Variants in CSMD2 observed in about 807,000 individuals in gnomAD.
CSMD2 encodes CUB and Sushi multiple domains 2.
In CSMD2, 130 loss-of-function variants were observed where a neutral mutation model predicts 398.5. The ratio of observed to expected loss-of-function variants is 0.33; its 90% CI spans 0.28 to 0.38. CSMD2 has a LOEUF of 0.38. Among genes scored for constraint, CSMD2 ranks in the 10% least tolerant of loss-of-function variants. The pLI is 1.00. For missense variants in CSMD2, 3,829 were observed against 4,764.9 expected, an observed-to-expected ratio of 0.80 and a Z score of 5.78; for synonymous variants, 1,828 against 1,908.5, an observed-to-expected ratio of 0.96 and a Z score of 1.10.
chr1:33,560,938 A>G (rs1380330917), intron 53 of CSMD2, among the ~76,000 whole-genome samples: 1 of 152,096 alleles, frequency 6.6e-6, no homozygotes, highest in Non-Finnish European at 1.5e-5. Context: ...CTTAGTCCTT[A>G]GTTCTATTTC....
chr1:33,519,703 C>G lies in CSMD2; in HGVS notation c.10737-26G>C. On this transcript the variant is annotated intron_variant, in intron 69 of 70. Coordinates refer to ENST00000373381, the MANE Select transcript of CSMD2 (RefSeq NM_001281956.2). This position sits in a 1 kb window ranked among gnomAD's most constrained non-coding sequence, Gnocchi z 5.6. The stretch of plus-strand genomic sequence containing the variant: ...CTGGCGATAAAAGAGGAAGTGCCCA[C>G]GGCATGAAAAGAGCGACACAGAGAG... 1 of 1,613,834 alleles carries G rather than the reference C, an allele frequency of 6.2e-7. No individual in the cohort carries two copies. The highest frequency in any genetic ancestry group is 8.5e-7 in the Non-Finnish European group (1 of 1,179,904).
At chr1:33,663,965 A>G (rs1280416972) in intron 25 of CSMD2, among the ~76,000 whole-genome samples, 3 of 152,208 alleles carry the variant, frequency 2.0e-5, no homozygotes, top group East Asian at 3.8e-4. Context: ...CTAAGAAAGC[A>G]ATGTTGGCAT....
rs989437887 is a variant in CSMD2 at position 33,633,841 on chromosome 1, A to G, written c.5087-306T>C. 6.6e-6 allele frequency among the ~76,000 whole-genome samples: 1 copy of G among 152,184 alleles called. No homozygotes were observed. The highest frequency in any genetic ancestry group is 1.5e-5 in the Non-Finnish European group (1 of 68,028). On this transcript the variant is annotated intron_variant, in intron 31 of 70. Transcript: ENST00000373381. The surrounding 1 kb of genome is among the most constrained non-coding windows in gnomAD (Gnocchi z 5.0). ...AGCCAACTTTGTTCCTTTCCCAGAT[A>G]GCAGCTGCAGCAGCTATCTGGAGGC...
In CSMD2 at chr1:33,769,021, G is replaced by A. The variant is rs192067905; in HGVS notation, c.1846+3548C>T. 1.1e-4 allele frequency among the ~76,000 whole-genome samples: 16 copies of A among 152,304 alleles called. No homozygotes were observed. The East Asian group carries it at 2.5e-3, about 24-fold the overall frequency. ...GCTTCTTTTGAAAGTGGCTGCTAAT[G>A]GATTGATAATTGGTTTCCTGGCTTC... On this transcript the variant is annotated intron_variant, in intron 13 of 70. Transcript: ENST00000373381.
At position 33,625,132 on chromosome 1, in the gene CSMD2, G is replaced by A. The variant is rs1435649942; in HGVS notation, c.5419C>T (p.Leu1807=). 6.2e-7 allele frequency: 1 copy of A among 1,614,112 alleles called. No homozygotes were observed. The highest frequency in any genetic ancestry group is 1.1e-5 in the South Asian group (1 of 91,078). The stretch of plus-strand genomic sequence containing the variant: ...CACTCGATCTCTGGCGACCCCTGCA[G>A]GGCATAGCCGGAGTTGCATTCGAAG... ...VRFECNSGYA[L]QGSPEIECLP... Residue 1807 remains leucine, a synonymous_variant, in exon 34 of 71, where the codon CTG becomes TTG. Coordinates refer to ENST00000373381, the MANE Select transcript of CSMD2 (RefSeq NM_001281956.2).
chr1:34,152,964 T>C (rs1484377328), intron 1 of CSMD2, among the ~76,000 whole-genome samples: 2 of 152,214 alleles, frequency 1.3e-5, no homozygotes, highest in Non-Finnish European at 2.9e-5. Flanking sequence ...ACCTCACACA[T>C]CAGTGAAAGC....
chr1:33,545,637 A>G (rs554196229), intron 57 of CSMD2, among the ~76,000 whole-genome samples: 2 of 152,266 alleles, frequency 1.3e-5, no homozygotes, highest in African/African-American at 4.8e-5. Flanking sequence ...TCCTAATACT[A>G]TCACTGGGTG....
chr1:34,137,109 A>G (rs1224759430), intron 1 of CSMD2, among the ~76,000 whole-genome samples: 1 of 151,946 alleles, frequency 6.6e-6, no homozygotes, highest in Non-Finnish European at 1.5e-5. Context: ...ATACCCATCA[A>G]TGCTCTCTAG....
chr1:33,827,336 T>A (rs1383269575), intron 6 of CSMD2, among the ~76,000 whole-genome samples: 1 of 152,226 alleles, frequency 6.6e-6, no homozygotes, highest in Non-Finnish European at 1.5e-5. Flanking sequence ...TTGGCCTCGA[T>A]TGCTCTTCTC....
chr1:33,888,209 G>A (rs1241582663), intron 5 of CSMD2, among the ~76,000 whole-genome samples: 2 of 152,114 alleles, frequency 1.3e-5, no homozygotes, highest in Non-Finnish European at 2.9e-5. Context: ...CAAATTCAGT[G>A]AAATTTCAAC....
chr1:33,607,658 C>T (rs1339033314), intron 41 of CSMD2, among the ~76,000 whole-genome samples: 1 of 152,222 alleles, frequency 6.6e-6, no homozygotes, highest in African/African-American at 2.4e-5. Flanking sequence ...AAACGAGAAG[C>T]CTTAATAGGG....
chr1:33,544,216 C>T (rs1656647251), intron 57 of CSMD2, among the ~76,000 whole-genome samples: 1 of 150,268 alleles, frequency 6.7e-6, no homozygotes, highest in Admixed American at 6.7e-5. Context: ...ATGCCATTGT[C>T]CTGCCTCAAC....
At chr1:33,749,633 T>G (rs527436488) in intron 13 of CSMD2, among the ~76,000 whole-genome samples, 77 of 152,332 alleles carry the variant, frequency 5.1e-4, no homozygotes, top group African/African-American at 1.8e-3. Flanking sequence ...TAAAAATTTC[T>G]GATTGGTTTG....
intron 1 of CSMD2, among the ~76,000 whole-genome samples, chr1:34,127,327 A>G (rs1340123379): frequency 6.6e-6 from 1 of 152,186 alleles, no homozygotes; most frequent in Non-Finnish European, 1.5e-5. Flanking sequence ...TCTACCTTCT[A>G]TTTTGAACCT....
At chr1:33,954,467 G>A (rs1189180911) in intron 3 of CSMD2, among the ~76,000 whole-genome samples, 1 of 152,024 alleles carries the variant, frequency 6.6e-6, no homozygotes, top group African/African-American at 2.4e-5. Context: ...ACAATTGAGG[G>A]TAGCCAGGGT....
In CSMD2 at chr1:33,665,173, T is replaced by C. The variant is rs1187950430; in HGVS notation, c.4053-2081A>G. On this transcript the variant is annotated intron_variant, in intron 25 of 70. Transcript: ENST00000373381. Reference sequence around the variant, plus strand: ...AATTCTACTTATATATTATGACTTTTATTTACCTTATATTTTTGATTTCTC... The same window carrying C: ...AATTCTACTTATATATTATGACTTTCATTTACCTTATATTTTTGATTTCTC... Among the ~76,000 whole-genome samples the C allele has an allele frequency of 2.0e-5, 3 of 152,176 alleles. No individual in the cohort carries two copies. In the East Asian group the frequency reaches 5.8e-4, roughly 29 times the overall value.
intron 5 of CSMD2, among the ~76,000 whole-genome samples, chr1:33,848,793 C>A (rs1419648078): frequency 6.8e-6 from 1 of 147,128 alleles, no homozygotes; most frequent in Admixed American, 7.0e-5. Context: ...TTCTAAGGAG[C>A]CACAAACGTA....
chr1:34,063,464 T>C (rs753407307), intron 2 of CSMD2, among the ~76,000 whole-genome samples: 76 of 152,134 alleles, frequency 5.0e-4, no homozygotes, highest in Non-Finnish European at 9.3e-4. Flanking sequence ...AACAAAAGGG[T>C]TACAGGGCCC....
intron 67 of CSMD2, among the ~76,000 whole-genome samples, 166 bp from the exon 68 acceptor site, chr1:33,521,716 G>T (rs567580319): frequency 6.6e-6 from 1 of 152,318 alleles, no homozygotes; most frequent in South Asian, 2.1e-4. Context: ...TGACCGGGGA[G>T]CCCGGGGTGG....
Sources: allele counts gnomAD v4.1 joint callset (sites outside exome capture counted in the v4.1 genomes callset), GRCh38; gene constraint gnomAD v4.1.1; non-coding constraint Gnocchi (gnomAD v3.1); transcripts MANE v1.5; gene names NCBI Gene and HGNC (gene_info 2026-07-23, HGNC 2026-07-21).